The following SP2 variants were observed in gnomAD, a reference collection of about 807,000 sequenced individuals.
SP2 encodes Sp2 transcription factor.
In SP2, 9 loss-of-function variants were observed where a neutral mutation model predicts 50.1. The observed-to-expected ratio is 0.18, with a 90% CI of 0.11 to 0.31. SP2 has a LOEUF of 0.31. Among genes scored for constraint, SP2 ranks in the 10% least tolerant of loss-of-function variants. SP2 has a pLI of 1.00. For synonymous variants in SP2, 313 were observed against 326.6 expected (o/e 0.96, Z 0.45); for missense variants, 581 against 806.5 (o/e 0.72, Z 3.39).
At chr17:47,920,725 G>T (rs1055580807) in intron 3 of SP2, among the ~76,000 whole-genome samples, 1 of 152,106 alleles carries the variant, frequency 6.6e-6, no homozygotes, top group African/African-American at 2.4e-5. Context: ...CCAGCCTTCA[G>T]GTTGGCTCTT....
intron 1 of SP2, 77 bp downstream of exon 1, chr17:47,896,370 G>A: frequency 1.7e-6 from 2 of 1,176,352 alleles, no homozygotes; most frequent in Non-Finnish European, 2.1e-6. Context: ...GCGGGGAGAG[G>A]GAGCCGAGGC....
At chr17:47,915,198 A>G (rs1455595275) in intron 1 of SP2, 114 bp from the exon 2 acceptor site, 2 of 717,932 alleles carry the variant, frequency 2.8e-6, no homozygotes, top group Non-Finnish European at 4.7e-6. Flanking sequence ...GGGCAACAAG[A>G]GCAAAAATTC....
chr17:47,925,186 C>T lies in SP2; in HGVS notation c.1547+93C>T. 8 of 1,489,408 alleles carry T rather than the reference C, an allele frequency of 5.4e-6. No homozygotes were observed. In the South Asian group the frequency reaches 1.0e-4, roughly 19 times the overall value. The allele number at this position is 1,489,408 out of a possible 1,614,324, so 92.3% of individuals were successfully genotyped here. On this transcript the variant is annotated intron_variant, in intron 5 of 6. Transcript: ENST00000376741. ...TCCAGAGCTGCAAGCTGGCACAGACCAGGCAAGGAAGAGCTGGCAGCTCTG... is the reference window on the plus strand; with the variant it reads ...TCCAGAGCTGCAAGCTGGCACAGACTAGGCAAGGAAGAGCTGGCAGCTCTG...
intron 1 of SP2, among the ~76,000 whole-genome samples, chr17:47,910,963 T>C (rs985655304): frequency 3.3e-5 from 5 of 152,216 alleles, no homozygotes; most frequent in African/African-American, 1.2e-4. Flanking sequence ...TGGTGGTTCA[T>C]GCCTGTAATC....
chr17:47,922,442 G>A (rs1389846110), intron 3 of SP2, among the ~76,000 whole-genome samples: 1 of 150,816 alleles, frequency 6.6e-6, no homozygotes, highest in Admixed American at 6.6e-5. Flanking sequence ...TATTTTCCAT[G>A]TTTGTCAATC....
At chr17:47,921,953 C>G (rs2035475159) in intron 3 of SP2, among the ~76,000 whole-genome samples, 1 of 152,188 alleles carries the variant, frequency 6.6e-6, no homozygotes, top group African/African-American at 2.4e-5. Context: ...TAAGGACACA[C>G]ACACATGTAT....
intron 1 of SP2, among the ~76,000 whole-genome samples, chr17:47,908,851 G>A (rs1180240935): frequency 5.3e-5 from 8 of 152,054 alleles, no homozygotes; most frequent in African/African-American, 1.2e-4. Context: ...CACCGCGCCC[G>A]GCCATGAATA....
chr17:47,904,418 G>GT (rs2034676847), intron 1 of SP2, among the ~76,000 whole-genome samples: 1 of 152,160 alleles, frequency 6.6e-6, no homozygotes, highest in Non-Finnish European at 1.5e-5. Context: ...ATTAAGGACA[G>GT]TAAGTATAGG....
intron 6 of SP2, among the ~76,000 whole-genome samples, chr17:47,926,824 C>T (rs1444543637): frequency 8.5e-5 from 13 of 152,102 alleles, no homozygotes; most frequent in Non-Finnish European, 1.5e-5. Context: ...GTGGTCCACA[C>T]ATACACTTTG....
At chr17:47,912,705 G>A (rs756634751) in intron 1 of SP2, among the ~76,000 whole-genome samples, 2 of 151,108 alleles carry the variant, frequency 1.3e-5, no homozygotes, top group South Asian at 2.1e-4. Context: ...TCACCTTCCC[G>A]AAGTGTTGGA....
chr17:47,915,219 A>G (rs2035145446), intron 1 of SP2, 93 bp from the exon 2 acceptor site: 1 of 959,272 alleles, frequency 1.0e-6, no homozygotes, highest in Admixed American at 2.3e-5. Flanking sequence ...CGTCTCAAAA[A>G]AAAAAAAATA....
At chr17:47,904,289 A>C (rs1362671143) in intron 1 of SP2, among the ~76,000 whole-genome samples, 1 of 151,190 alleles carries the variant, frequency 6.6e-6, no homozygotes, top group Non-Finnish European at 1.5e-5. Context: ...AAGAAGTAGA[A>C]GTAGCCATTA....
At position 47,917,117 on chromosome 17, in the gene SP2, C is replaced by G. The variant is rs756490026; in HGVS notation, c.1046C>G (p.Pro349Arg). 3 of 1,609,162 alleles carry G rather than the reference C, an allele frequency of 1.9e-6. No homozygotes were observed. Among genetic ancestry groups the G allele is most frequent in the Non-Finnish European group, 2.5e-6 (3 of 1,177,718 alleles). The change falls in exon 3 of 7, where the codon CCG (proline) becomes CGG (arginine). Residue 349 changes from proline (P) to arginine (R), a missense_variant. Pro to Arg is a moderately radical substitution (Grantham distance 103). This residue lies in a region of SP2 where 397 missense variants were observed against 491.0 expected (regional missense o/e 0.81). Coordinates refer to ENST00000376741, the MANE Select transcript of SP2 (RefSeq NM_003110.6). ...AACTTTCAGATCCAGGCAGCTGAGC[C>G]GACACCTACTCAGGTACCACACTCC... is the stretch of plus-strand genomic sequence containing the variant. The part of the protein sequence containing the change: ...SQNFQIQAAE[P>R]TPTQVYIRTP...
At chr17:47,911,357 C>T (rs868040620) in intron 1 of SP2, among the ~76,000 whole-genome samples, 2 of 150,790 alleles carry the variant, frequency 1.3e-5, no homozygotes, top group Middle Eastern at 3.2e-3. Flanking sequence ...GCCTGGTTAA[C>T]AAGGCAAAAC....
At chr17:47,909,322 G>A (rs2034890269) in intron 1 of SP2, among the ~76,000 whole-genome samples, 1 of 152,204 alleles carries the variant, frequency 6.6e-6, no homozygotes, top group South Asian at 2.1e-4. Context: ...CCCCCATTCA[G>A]CTTAAAGTCA....
intron 3 of SP2, among the ~76,000 whole-genome samples, chr17:47,917,454 A>G (rs1233114001): frequency 1.3e-5 from 2 of 152,154 alleles, no homozygotes; most frequent in African/African-American, 4.8e-5. Flanking sequence ...TACTCAAAAC[A>G]TTAGCAAGAA....
At chr17:47,900,822 G>A (rs1018091220) in intron 1 of SP2, among the ~76,000 whole-genome samples, 1 of 152,202 alleles carries the variant, frequency 6.6e-6, no homozygotes, top group African/African-American at 2.4e-5. Context: ...AATGTGGGGA[G>A]TGACTCACAA....
rs1453652295 is a variant in SP2, at chr17:47,928,399, C to T, written c.*575C>T. On this transcript the variant is annotated 3_prime_UTR_variant, in exon 7 of 7. Transcript: ENST00000376741. Reference sequence around the variant, plus strand: ...ACACCCACCGACTCCTGATCCCCCTCTTTTTCTATGGAGAACGTTGCCTTA... The same window carrying T: ...ACACCCACCGACTCCTGATCCCCCTTTTTTTCTATGGAGAACGTTGCCTTA... 1 of 148,354 alleles carries T rather than the reference C, an allele frequency of 6.7e-6. No homozygotes were observed. Among genetic ancestry groups the T allele is most frequent in the Non-Finnish European group, 1.5e-5 (1 of 67,474 alleles). 9.2% of individuals were successfully genotyped at this position (148,354 alleles called of 1,614,324 possible). A position where few individuals can be genotyped will look rare whatever the true frequency, so the allele number is the denominator to read the frequency against.
At chr17:47,898,270 A>C (rs2034415751) in intron 1 of SP2, 2 of 152,218 alleles carry the variant, frequency 1.3e-5, no homozygotes, top group South Asian at 4.1e-4. Flanking sequence ...GATTTGGGCA[A>C]ATGTCTGGGG....
Sources: allele counts gnomAD v4.1 joint callset (sites outside exome capture counted in the v4.1 genomes callset), GRCh38; gene constraint gnomAD v4.1.1; regional missense constraint gnomAD v4.1.1; transcripts MANE v1.5; gene names NCBI Gene and HGNC (gene_info 2026-07-23, HGNC 2026-07-21).